Variants in ASTN1 observed in about 807,000 individuals in gnomAD.
ASTN1 encodes the protein astrotactin-1.
A neutral mutation model predicts 140.7 loss-of-function variants in ASTN1; 41 were observed. That is an observed-to-expected ratio of 0.29 (90% CI 0.23 to 0.38). ASTN1 has a LOEUF of 0.38. Ranked by LOEUF, ASTN1 falls within the 10% of genes least tolerant of loss-of-function variation. ASTN1 has a pLI of 1.00. For missense variants in ASTN1, 1,479 were observed against 1,678.8 expected (o/e 0.88, Z 2.08); for synonymous variants, 640 against 652.2 (o/e 0.98, Z 0.29).
At chr1:176,881,895 T>C (rs10489301) in intron 20 of ASTN1, among the ~76,000 whole-genome samples, 24,994 of 152,224 alleles carry the variant, frequency 0.16, 2,559 homozygotes, top group Middle Eastern at 0.27. Context: ...ATAGACATGA[T>C]TTATTCTGGA....
At chr1:177,014,903 G>A in intron 7 of ASTN1, 28 bp from the exon 8 acceptor site, 1 of 1,573,724 alleles carries the variant, frequency 6.4e-7, no homozygotes, top group Non-Finnish European at 8.7e-7. Flanking sequence ...GAGGAAGAAA[G>A]AGAAACATGA....
At chr1:177,075,745 C>G (rs1678870192) in intron 1 of ASTN1, among the ~76,000 whole-genome samples, 1 of 149,198 alleles carries the variant, frequency 6.7e-6, no homozygotes, top group Non-Finnish European at 1.5e-5. Flanking sequence ...CTTCTGGGCT[C>G]AAGCAATCCT....
chr1:177,162,376 A>T (rs1178453281), intron 1 of ASTN1, among the ~76,000 whole-genome samples: 1 of 152,230 alleles, frequency 6.6e-6, no homozygotes, highest in Non-Finnish European at 1.5e-5. Context: ...CGATGCATTT[A>T]AATAGTGCAT....
intron 11 of ASTN1, among the ~76,000 whole-genome samples, chr1:176,953,712 G>T (rs1162260323): frequency 1.3e-5 from 2 of 152,178 alleles, no homozygotes; most frequent in African/African-American, 4.8e-5. Context: ...ATAGCATGTG[G>T]AGGGAAGGGC....
intron 1 of ASTN1, among the ~76,000 whole-genome samples, chr1:177,067,645 T>G (rs1191252397): frequency 6.6e-6 from 1 of 152,104 alleles, no homozygotes; most frequent in Non-Finnish European, 1.5e-5. Context: ...TTAATAACAG[T>G]AGGGGATCAC....
At chr1:177,011,112 C>T (rs559121240) in intron 8 of ASTN1, among the ~76,000 whole-genome samples, 3 of 152,236 alleles carry the variant, frequency 2.0e-5, no homozygotes, top group Admixed American at 6.6e-5. Flanking sequence ...TCTTATGCTA[C>T]ATTGAGCTTT....
chr1:176,953,929 G>C (rs1672297787), intron 11 of ASTN1, among the ~76,000 whole-genome samples: 1 of 152,218 alleles, frequency 6.6e-6, no homozygotes, highest in African/African-American at 2.4e-5. Flanking sequence ...AGGAGCATTA[G>C]AGCATGGGTT....
intron 8 of ASTN1, among the ~76,000 whole-genome samples, chr1:176,995,790 G>A (rs939948077): frequency 6.6e-6 from 1 of 152,162 alleles, no homozygotes; most frequent in African/African-American, 2.4e-5. Flanking sequence ...AGGACTTGGG[G>A]ATAAATCAGG....
chr1:176,946,633 C>T (rs1671970062), intron 12 of ASTN1, among the ~76,000 whole-genome samples: 1 of 152,168 alleles, frequency 6.6e-6, no homozygotes, highest in African/African-American at 2.4e-5. Context: ...TTTATCATCT[C>T]CTGGCACTGT....
rs556674923 is a variant in ASTN1, at chr1:177,023,189, C to T, written c.1438+215G>A. 2.0e-3 allele frequency among the ~76,000 whole-genome samples: 311 copies of T among 152,280 alleles called. 2 individuals are homozygous for T. The highest frequency in any genetic ancestry group is 6.9e-3 in the African/African-American group (287 of 41,554). On this transcript the variant is annotated intron_variant, in intron 7 of 22. Transcript: ENST00000361833. ...TAAAACTGAGTTTTCTGGCTTGGGA[C>T]TACAGTTAGTATCCTTCCAAGTCTT...
chr1:177,129,067 T>G (rs1045729604), intron 1 of ASTN1, among the ~76,000 whole-genome samples: 4 of 152,090 alleles, frequency 2.6e-5, no homozygotes, highest in African/African-American at 9.7e-5. Flanking sequence ...GACCAATAGA[T>G]GAAGATGATA....
At chr1:177,092,479 T>C (rs1679804998) in intron 1 of ASTN1, among the ~76,000 whole-genome samples, 2 of 152,234 alleles carry the variant, frequency 1.3e-5, no homozygotes, top group South Asian at 4.1e-4. Flanking sequence ...ATGGTGAATT[T>C]TGAAGCACAA....
chr1:176,861,856 GGA>G lies in ASTN1; in HGVS notation c.*2426_*2427del. ...AACTTGGGAGACTGAGGGAAAGATA[GGA>G]GAGAGGAAGATAGTGTGCCTAAAAT... On this transcript the variant is annotated 3_prime_UTR_variant, in exon 23 of 23. Coordinates refer to ENST00000361833, the MANE Select transcript of ASTN1 (RefSeq NM_004319.3). The G allele has an allele frequency of 1.0e-6, 1 of 985,320 alleles. No homozygotes were observed. The highest frequency in any genetic ancestry group is 1.7e-5 in the African/African-American group (1 of 57,330). 61.0% of individuals were successfully genotyped at this position (985,320 alleles called of 1,614,324 possible).
At position 177,164,359 on chromosome 1, in the gene ASTN1, C is replaced by A. The variant is rs532683671; in HGVS notation, c.283+35G>T. Reference sequence around the variant, plus strand: ...GTGGGGGGTGGGGGCGCCGGTCCAGCGCCTCCGGCCGCCTCGACCTCCCCC... The same window carrying A: ...GTGGGGGGTGGGGGCGCCGGTCCAGAGCCTCCGGCCGCCTCGACCTCCCCC... On this transcript the variant is annotated intron_variant, in intron 1 of 22. Coordinates refer to ENST00000361833, the MANE Select transcript of ASTN1 (RefSeq NM_004319.3). The A allele has an allele frequency of 2.6e-6, 4 of 1,528,078 alleles. No homozygotes were observed. The South Asian group carries it at 5.1e-5, about 19-fold the overall frequency. 94.7% of individuals were successfully genotyped at this position (1,528,078 alleles called of 1,614,324 possible). A position where few individuals can be genotyped will look rare whatever the true frequency, so the allele number is the denominator to read the frequency against.
chr1:177,008,016 C>T (rs527424867), intron 8 of ASTN1, among the ~76,000 whole-genome samples: 5 of 152,274 alleles, frequency 3.3e-5, no homozygotes, highest in South Asian at 2.1e-4. Context: ...TGTGAAAAAT[C>T]GGTCAAGTTA....
At chr1:176,957,984 C>T (rs1672487937) in intron 10 of ASTN1, among the ~76,000 whole-genome samples, 156 bp from the exon 11 acceptor site, 1 of 152,202 alleles carries the variant, frequency 6.6e-6, no homozygotes, top group South Asian at 2.1e-4. Context: ...CTTGAACTAA[C>T]AAACGATGGG....
chr1:176,994,108 C>A (rs191954969), intron 8 of ASTN1, among the ~76,000 whole-genome samples: 70 of 149,744 alleles, frequency 4.7e-4, no homozygotes, highest in African/African-American at 8.4e-4. Flanking sequence ...CCCCACCCCC[C>A]CCGCCACCCA....
intron 8 of ASTN1, among the ~76,000 whole-genome samples, chr1:176,978,762 G>A (rs1271129082): frequency 6.6e-6 from 1 of 152,092 alleles, no homozygotes; most frequent in Non-Finnish European, 1.5e-5. Flanking sequence ...AGAGAGGCAA[G>A]TACAAAGATA....
chr1:176,931,546 A>G (rs560501218), intron 16 of ASTN1, among the ~76,000 whole-genome samples: 16 of 152,336 alleles, frequency 1.1e-4, no homozygotes, highest in South Asian at 8.3e-4. Flanking sequence ...ATGATCCTCA[A>G]TGTTGGTATG....
Sources: gnomAD v4.1 joint callset for allele counts (sites outside exome capture counted in the v4.1 genomes callset) on GRCh38, gnomAD v4.1.1 for gene constraint, MANE v1.5 for transcripts, NCBI Gene and HGNC (gene_info 2026-07-23, HGNC 2026-07-21) for gene names.